Variants in ENPP6 observed in about 807,000 individuals in gnomAD.
ENPP6 encodes the protein ectonucleotide pyrophosphatase/phosphodiesterase 6, also known as glycerophosphocholine cholinephosphodiesterase ENPP6.
Under a neutral mutation model 42.0 loss-of-function variants are expected in ENPP6, and 32 were observed. The observed-to-expected ratio is 0.76, with a 90% CI of 0.58 to 1.02. The LOEUF (loss-of-function observed/expected upper bound fraction) is 1.02, where lower values mean the gene tolerates loss of function less well. Among genes scored for constraint, ENPP6 ranks in the 50% least tolerant of loss-of-function variants. The pLI, the probability that ENPP6 is intolerant of heterozygous loss-of-function variation, is 0.00. For synonymous variants in ENPP6, 213 were observed against 216.0 expected, an observed-to-expected ratio of 0.99 and a Z score of 0.12; for missense variants, 552 against 566.8, an observed-to-expected ratio of 0.97 and a Z score of 0.27.
At chr4:184,164,760 A>G (rs779894758) in intron 1 of ENPP6, among the ~76,000 whole-genome samples, 3 of 152,188 alleles carry the variant, frequency 2.0e-5, no homozygotes, top group Admixed American at 6.5e-5. Flanking sequence ...CCTAAGGGAT[A>G]AGTACTATTG....
chr4:184,209,474 G>T (rs1425773502), intron 1 of ENPP6, among the ~76,000 whole-genome samples: 2 of 151,918 alleles, frequency 1.3e-5, no homozygotes, highest in East Asian at 3.8e-4. Context: ...TCAACTGGAA[G>T]AAAGGGTATC....
chr4:184,190,728 A>G (rs2111107481), intron 1 of ENPP6, among the ~76,000 whole-genome samples: 1 of 152,166 alleles, frequency 6.6e-6, no homozygotes. Flanking sequence ...ATGCCCTCCC[A>G]GGTCCCCATA....
At chr4:184,125,123 G>T (rs750295347) in intron 2 of ENPP6, among the ~76,000 whole-genome samples, 1 of 152,214 alleles carries the variant, frequency 6.6e-6, no homozygotes, top group African/African-American at 2.4e-5. Context: ...AGTGGGAGGG[G>T]ACACAGGAAA....
chr4:184,131,247 T>C (rs1329971287), intron 2 of ENPP6, among the ~76,000 whole-genome samples: 3 of 73,216 alleles, frequency 4.1e-5, no homozygotes, highest in South Asian at 4.8e-4. Flanking sequence ...TTTCTTTCTT[T>C]CTTTCTCTTT....
chr4:184,155,573 C>A (rs1737144142), intron 1 of ENPP6, among the ~76,000 whole-genome samples: 1 of 152,108 alleles, frequency 6.6e-6, no homozygotes, highest in Non-Finnish European at 1.5e-5. Context: ...CTGAATGAAT[C>A]ATCAGGAAAG....
chr4:184,205,553 T>G (rs1356114038), intron 1 of ENPP6, among the ~76,000 whole-genome samples: 8 of 152,232 alleles, frequency 5.3e-5, no homozygotes, highest in Non-Finnish European at 1.5e-5. Flanking sequence ...TGCAAGAGCG[T>G]TAGATTCCAC....
At chr4:184,215,634 T>C (rs185142935) in intron 1 of ENPP6, among the ~76,000 whole-genome samples, 1 of 152,286 alleles carries the variant, frequency 6.6e-6, no homozygotes, top group African/African-American at 2.4e-5. Flanking sequence ...GATCCCTCCC[T>C]TGTGCAGGGT....
intron 2 of ENPP6, among the ~76,000 whole-genome samples, chr4:184,132,802 T>C (rs906684105): frequency 3.5e-5 from 5 of 142,718 alleles, no homozygotes; most frequent in African/African-American, 7.9e-5. Context: ...CACATATATA[T>C]ACATATATAC....
Position 184,174,429 on chromosome 4 carries a change from A to G in ENPP6, c.242-20696T>C, listed in dbSNP as rs1056300837. ...TAATCCCATGCCAGGCTAGTGAAATAGACAAGATACTATCACCTGCAACAT... is the reference window on the plus strand; with the variant it reads ...TAATCCCATGCCAGGCTAGTGAAATGGACAAGATACTATCACCTGCAACAT... On this transcript the variant is annotated intron_variant, in intron 1 of 7. Coordinates refer to ENST00000296741, the MANE Select transcript of ENPP6 (RefSeq NM_153343.4). Among the ~76,000 whole-genome samples the G allele has an allele frequency of 3.3e-5, 5 of 152,180 alleles. 1 individual carries two copies. The highest frequency in any genetic ancestry group is 4.1e-4 in the South Asian group (2 of 4,822).
At position 184,217,816 on chromosome 4, in the gene ENPP6, C is replaced by A; in HGVS notation, c.4G>T (p.Ala2Ser). The change falls in exon 1 of 8, where the codon GCA becomes TCA. Residue 2 changes from alanine to serine, a missense_variant. Coordinates refer to ENST00000296741, the MANE Select transcript of ENPP6 (RefSeq NM_153343.4). ...AGCAGGAGGGTCCCAAGCTTCACTG[C>A]CATGCTGCCAGGAGCCTGCCAGAGC... M[A>S]VKLGTLLLAL... 1 of 1,613,156 alleles carries A rather than the reference C, an allele frequency of 6.2e-7. No homozygotes were observed. Among genetic ancestry groups the A allele is most frequent in the Non-Finnish European group, 8.5e-7 (1 of 1,179,814 alleles).
At chr4:184,172,431 C>G (rs1012419902) in intron 1 of ENPP6, among the ~76,000 whole-genome samples, 1 of 152,166 alleles carries the variant, frequency 6.6e-6, no homozygotes, top group Non-Finnish European at 1.5e-5. Flanking sequence ...CCCAGCTACG[C>G]TCCTCTCCCC....
At chr4:184,187,135 A>G (rs1056130243) in intron 1 of ENPP6, among the ~76,000 whole-genome samples, 4 of 152,172 alleles carry the variant, frequency 2.6e-5, no homozygotes, top group African/African-American at 9.7e-5. Context: ...GTGAGAGGAG[A>G]TGCGGAAGGA....
chr4:184,201,695 T>G (rs182548004), intron 1 of ENPP6, among the ~76,000 whole-genome samples: 1 of 151,994 alleles, frequency 6.6e-6, no homozygotes, highest in Admixed American at 6.6e-5. Context: ...GCTTAAATAA[T>G]GATGTGCTGG....
chr4:184,127,555 T>G (rs1036883448), intron 2 of ENPP6, among the ~76,000 whole-genome samples: 2 of 152,184 alleles, frequency 1.3e-5, no homozygotes, highest in Admixed American at 1.3e-4. Context: ...GTCAGGAGCT[T>G]GAGACTGGCC....
At chr4:184,132,254 C>T (rs1363145736) in intron 2 of ENPP6, among the ~76,000 whole-genome samples, 1 of 152,128 alleles carries the variant, frequency 6.6e-6, no homozygotes, top group African/African-American at 2.4e-5. Flanking sequence ...ATAACCATCA[C>T]AGTGGATATG....
chr4:184,186,684 G>T (rs1408496888), intron 1 of ENPP6, among the ~76,000 whole-genome samples: 1 of 152,262 alleles, frequency 6.6e-6, no homozygotes, highest in Middle Eastern at 3.4e-3. Flanking sequence ...CTGGCCATTA[G>T]GAGGTTTTGA....
At chr4:184,104,226 C>T (rs1434758283) in intron 6 of ENPP6, among the ~76,000 whole-genome samples, 1 of 152,200 alleles carries the variant, frequency 6.6e-6, no homozygotes, top group African/African-American at 2.4e-5. Context: ...TCCAGATTGT[C>T]TTGATTTCCC....
At chr4:184,145,914 A>G (rs1460200588) in intron 2 of ENPP6, among the ~76,000 whole-genome samples, 1 of 152,232 alleles carries the variant, frequency 6.6e-6, no homozygotes, top group Non-Finnish European at 1.5e-5. Flanking sequence ...CAAATTTGGA[A>G]CAAAGCAATC....
At chr4:184,197,516 C>T (rs1315710974) in intron 1 of ENPP6, among the ~76,000 whole-genome samples, 1 of 152,242 alleles carries the variant, frequency 6.6e-6, no homozygotes, top group Non-Finnish European at 1.5e-5. Context: ...ATGCCAGATG[C>T]TGGCCCCGGC....
Sources: allele counts gnomAD v4.1 joint callset (sites outside exome capture counted in the v4.1 genomes callset), GRCh38; gene constraint gnomAD v4.1.1; transcripts MANE v1.5; gene names NCBI Gene and HGNC (gene_info 2026-07-23, HGNC 2026-07-21).